The following SEPTIN5 variants were observed in gnomAD, a reference collection of about 807,000 sequenced individuals.
The protein encoded by SEPTIN5 is septin-5.
SEPTIN5 carries 16 observed loss-of-function variants against 51.2 expected under a neutral mutation model. The observed-to-expected ratio is 0.31, with a 90% CI of 0.21 to 0.47. SEPTIN5 has a LOEUF of 0.47. Ranked by LOEUF, SEPTIN5 falls within the 20% of genes least tolerant of loss-of-function variation. The pLI is 0.99. For synonymous variants in SEPTIN5, 208 were observed against 191.2 expected (o/e 1.09, Z -0.72); for missense variants, 376 against 500.3 (o/e 0.75, Z 2.37).
rs765814777 is a variant in SEPTIN5 at position 19,721,962 on chromosome 22, G to A, written c.950+5G>A. ...CTGCATCCAGCAGATGACCAGGTGC[G>A]CGCCCCAGCCGCGAGCCAGACCTCG... On this transcript the variant is annotated splice_donor_5th_base_variant and intron_variant, in intron 10 of 11. Coordinates refer to ENST00000455784, the MANE Select transcript of SEPTIN5 (RefSeq NM_002688.6). 3.7e-6 allele frequency: 6 copies of A among 1,602,132 alleles called. No individual in the cohort carries two copies. The African/African-American group carries it at 4.0e-5, about 11-fold the overall frequency.
chr22:19,722,596 T>C lies in SEPTIN5; in HGVS notation c.*112T>C. 3 of 1,153,572 alleles carry C rather than the reference T, an allele frequency of 2.6e-6. No homozygotes were observed. The highest frequency in any genetic ancestry group is 2.8e-5 in the South Asian group (2 of 72,528). 71.5% of individuals were successfully genotyped at this position (1,153,572 alleles called of 1,614,324 possible). On this transcript the variant is annotated 3_prime_UTR_variant, in exon 12 of 12. Coordinates refer to ENST00000455784, the MANE Select transcript of SEPTIN5 (RefSeq NM_002688.6). The stretch of plus-strand genomic sequence containing the variant: ...GGCCACAGCCCCCAGCTGACCCTAA[T>C]TTATTCTCAGCACCACCCCCTCCCA...
chr22:19,714,718 C>A lies in SEPTIN5; in HGVS notation c.44-63C>A. On this transcript the variant is annotated intron_variant, in intron 1 of 11. Transcript: ENST00000455784. The surrounding 1 kb of genome is among the most constrained non-coding windows in gnomAD (Gnocchi z 5.2). ...TCACCGTGTCTCTCCGTCTCTCCCC[C>A]GCCCGCCGGCCCGGACCCGCTCGGA... 6.5e-7 allele frequency: 1 copy of A among 1,547,200 alleles called. No homozygotes were observed. Among genetic ancestry groups the A allele is most frequent in the East Asian group, 2.4e-5 (1 of 41,354 alleles).
At position 19,722,344 on chromosome 22, in the gene SEPTIN5, G is replaced by GTGGGGCGGC; in HGVS notation, c.1053+6_1053+14dup. 2 of 1,607,380 alleles carry GTGGGGCGGC rather than the reference G, an allele frequency of 1.2e-6. No homozygotes were observed. The highest frequency in any genetic ancestry group is 8.5e-7 in the Non-Finnish European group (1 of 1,177,262). On this transcript the variant is annotated splice_donor_region_variant and intron_variant, in intron 11 of 11. Coordinates refer to ENST00000455784, the MANE Select transcript of SEPTIN5 (RefSeq NM_002688.6). Reference sequence around the variant, plus strand: ...ATCAGGATGAAGGATGAGGAAGTATGTGGGGCGGCGGGGGCGGCGGAGGCG... The same window carrying GTGGGGCGGC: ...ATCAGGATGAAGGATGAGGAAGTATGTGGGGCGGCTGGGGCGGCGGGGGCGGCGGAGGCG...
In SEPTIN5 at chr22:19,722,610, C is replaced by T. The variant is rs1163693248; in HGVS notation, c.*126C>T. On this transcript the variant is annotated 3_prime_UTR_variant, in exon 12 of 12. Coordinates refer to ENST00000455784, the MANE Select transcript of SEPTIN5 (RefSeq NM_002688.6). The stretch of plus-strand genomic sequence containing the variant: ...GCTGACCCTAATTTATTCTCAGCAC[C>T]ACCCCCTCCCAGGTCATTGTGTCTG... 1.3e-5 allele frequency: 13 copies of T among 971,388 alleles called. No homozygotes were observed. In the East Asian group the frequency reaches 3.2e-4, roughly 24 times the overall value. The allele number at this position is 971,388 out of a possible 1,614,324, so 60.2% of individuals were successfully genotyped here. A position where few individuals can be genotyped will look rare whatever the true frequency, so the allele number is the denominator to read the frequency against.
In SEPTIN5 at chr22:19,717,862, G is replaced by T. The variant is rs192880148; in HGVS notation, c.55-1740G>T. The stretch of plus-strand genomic sequence containing the variant: ...CACGCATGTATACACGCGCACACAC[G>T]CAGGCATTACACACACACACATTAC... On this transcript the variant is annotated intron_variant, in intron 2 of 11. Transcript: ENST00000455784. 466 of 175,992 alleles carry T rather than the reference G, an allele frequency of 2.6e-3. 1 individual carries two copies. Among genetic ancestry groups the T allele is most frequent in the Non-Finnish European group, 4.3e-3 (348 of 81,294 alleles). 10.9% of individuals were successfully genotyped at this position (175,992 alleles called of 1,614,324 possible).
chr22:19,722,750 C>T lies in SEPTIN5; in HGVS notation c.*266C>T. 1.8e-6 allele frequency: 1 copy of T among 553,740 alleles called. No individual in the cohort carries two copies. Among genetic ancestry groups the T allele is most frequent in the Admixed American group, 3.2e-5 (1 of 31,544 alleles). 34.3% of individuals were successfully genotyped at this position (553,740 alleles called of 1,614,324 possible). A position where few individuals can be genotyped will look rare whatever the true frequency, so the allele number is the denominator to read the frequency against. On this transcript the variant is annotated 3_prime_UTR_variant, in exon 12 of 12. Coordinates refer to ENST00000455784, the MANE Select transcript of SEPTIN5 (RefSeq NM_002688.6). ...TCCGCCTCCCTTGCCCTTCCCCCGCCCCCGGACGGTCACAGCACCCAAACC... is the reference window on the plus strand; with the variant it reads ...TCCGCCTCCCTTGCCCTTCCCCCGCTCCCGGACGGTCACAGCACCCAAACC...
intron 2 of SEPTIN5, chr22:19,719,110 G>A (rs1207372189): frequency 6.7e-6 from 2 of 300,474 alleles, no homozygotes; most frequent in East Asian, 5.3e-5. Flanking sequence ...GCTCGGCGCC[G>A]CGGTCTATAA....
At chr22:19,719,259 G>A (rs538067223) in intron 2 of SEPTIN5, among the ~76,000 whole-genome samples, 1 of 152,320 alleles carries the variant, frequency 6.6e-6, no homozygotes, top group South Asian at 2.1e-4. Context: ...AGGGCCTTGA[G>A]TGTGTCCCAG....
Position 19,722,342 on chromosome 22 carries a change from A to G in SEPTIN5, c.1053+3A>G. 1 of 1,608,194 alleles carries G rather than the reference A, an allele frequency of 6.2e-7. No individual in the cohort carries two copies. The highest frequency in any genetic ancestry group is 1.1e-5 in the South Asian group (1 of 90,514). On this transcript the variant is annotated splice_donor_region_variant and intron_variant, in intron 11 of 11. Transcript: ENST00000455784. ...TTATCAGGATGAAGGATGAGGAAGT[A>G]TGTGGGGCGGCGGGGGCGGCGGAGG...
At position 19,719,852 on chromosome 22, in the gene SEPTIN5, G is replaced by A. The variant is rs367783224; in HGVS notation, c.198G>A (p.Leu66=). ...CCACACTGGTCCACAGCCTCTTCCT[G>A]ACAGACTTGTACAAGGACCGGAAGC... The part of the protein sequence containing the change: ...GKSTLVHSLF[L]TDLYKDRKLL... The change falls in exon 4 of 12, where the codon CTG becomes CTA. Residue 66 remains leucine (L), a synonymous_variant. Transcript: ENST00000455784. 1.2e-6 allele frequency: 2 copies of A among 1,612,964 alleles called. No homozygotes were observed. The highest frequency in any genetic ancestry group is 2.7e-5 in the African/African-American group (2 of 74,930).
chr22:19,721,616 A>AGCCT (rs1936034745), intron 8 of SEPTIN5, 24 bp from the exon 9 acceptor site: 1 of 1,611,938 alleles, frequency 6.2e-7, no homozygotes. Flanking sequence ...ACCGGGTGTG[A>AGCCT]GCCTTTCTCC....
In SEPTIN5 at chr22:19,714,932, G is replaced by A. The variant is rs1935893267; in HGVS notation, c.54+141G>A. ...TGTCGCGATCACCGATTGTCAGCCG[G>A]GCAGTGCCGCCGCGCCTGGGGCTTC... is the stretch of plus-strand genomic sequence containing the variant. On this transcript the variant is annotated intron_variant, in intron 2 of 11. Coordinates refer to ENST00000455784, the MANE Select transcript of SEPTIN5 (RefSeq NM_002688.6). This position sits in a 1 kb window ranked among gnomAD's most constrained non-coding sequence, Gnocchi z 5.2. The A allele has an allele frequency of 1.9e-5, 22 of 1,155,338 alleles. No individual in the cohort carries two copies. In the South Asian group the frequency reaches 3.3e-4, roughly 17 times the overall value. 71.6% of individuals were successfully genotyped at this position (1,155,338 alleles called of 1,614,324 possible).
intron 2 of SEPTIN5, chr22:19,717,623 G>A (rs1017732364): frequency 1.6e-5 from 5 of 306,628 alleles, no homozygotes; most frequent in Admixed American, 9.4e-5. Flanking sequence ...GGGACCTCCA[G>A]TACTCCGGCA....
chr22:19,720,502 A>G, intron 6 of SEPTIN5, 47 bp from the exon 7 acceptor site: 2 of 1,613,228 alleles, frequency 1.2e-6, no homozygotes, highest in Non-Finnish European at 1.7e-6. Context: ...CCCCTACAAT[A>G]TGGCCCCCTG....
At chr22:19,720,899 G>C in intron 8 of SEPTIN5, 30 bp downstream of exon 8, 1 of 1,585,556 alleles carries the variant, frequency 6.3e-7, no homozygotes, top group Non-Finnish European at 8.7e-7. Context: ...GGGCAGGGGG[G>C]ATGGAGCTGG....
rs766485341 is a variant in SEPTIN5 at position 19,719,838 on chromosome 22, C to T, written c.184C>T (p.His62Tyr). 1 of 1,613,092 alleles carries T rather than the reference C, an allele frequency of 6.2e-7. No individual in the cohort carries two copies. The change falls in exon 4 of 12, where the codon CAC (histidine) becomes TAC (tyrosine). Residue 62 changes from histidine (H) to tyrosine (Y), a missense_variant. Physicochemically the swap from His to Tyr is moderately conservative, Grantham distance 83 (BLOSUM62 2). Around this residue, in one of 2 missense-constraint regions of SEPTIN5, gnomAD observed 287 missense variants for 417.1 expected, o/e 0.69. Coordinates refer to ENST00000455784, the MANE Select transcript of SEPTIN5 (RefSeq NM_002688.6). ...AGGCCTGGGGAAGTCCACACTGGTC[C>T]ACAGCCTCTTCCTGACAGACTTGTA... ...ESGLGKSTLV[H>Y]SLFLTDLYKD...
Position 19,722,583 on chromosome 22 carries a change from C to A in SEPTIN5, c.*99C>A. The stretch of plus-strand genomic sequence containing the variant: ...CCCGGAGACGCGGGGCCACAGCCCC[C>A]AGCTGACCCTAATTTATTCTCAGCA... On this transcript the variant is annotated 3_prime_UTR_variant, in exon 12 of 12. Transcript: ENST00000455784. 7.9e-7 allele frequency: 1 copy of A among 1,262,748 alleles called. No individual in the cohort carries two copies. Among genetic ancestry groups the A allele is most frequent in the Non-Finnish European group, 1.1e-6 (1 of 895,012 alleles). The allele number at this position is 1,262,748 out of a possible 1,614,324, so 78.2% of individuals were successfully genotyped here. A position where few individuals can be genotyped will look rare whatever the true frequency, so the allele number is the denominator to read the frequency against.
Position 19,722,579 on chromosome 22 carries a change from C to G in SEPTIN5, c.*95C>G. ...CCGACCCGGAGACGCGGGGCCACAG[C>G]CCCCAGCTGACCCTAATTTATTCTC... On this transcript the variant is annotated 3_prime_UTR_variant, in exon 12 of 12. Coordinates refer to ENST00000455784, the MANE Select transcript of SEPTIN5 (RefSeq NM_002688.6). 1.5e-6 allele frequency: 2 copies of G among 1,307,396 alleles called. No individual in the cohort carries two copies. The highest frequency in any genetic ancestry group is 1.3e-5 in the South Asian group (1 of 77,740). The allele number at this position is 1,307,396 out of a possible 1,614,324, so 81.0% of individuals were successfully genotyped here.
intron 2 of SEPTIN5, chr22:19,719,065 C>T (rs989859714): frequency 7.5e-5 from 28 of 372,952 alleles, no homozygotes; most frequent in African/African-American, 1.5e-4. Flanking sequence ...CAAGGGTCTG[C>T]GGGGGCTGGG....
Sources: allele counts gnomAD v4.1 joint callset (sites outside exome capture counted in the v4.1 genomes callset), GRCh38; gene constraint gnomAD v4.1.1; regional missense constraint gnomAD v4.1.1; non-coding constraint Gnocchi (gnomAD v3.1); transcripts MANE v1.5; gene names NCBI Gene and HGNC (gene_info 2026-07-23, HGNC 2026-07-21).